ALKBH1: variants seen among roughly 807,000 people sequenced by gnomAD.
ALKBH1 encodes nucleic acid dioxygenase ALKBH1.
ALKBH1 carries 31 observed loss-of-function variants against 36.6 expected under a neutral mutation model. The observed-to-expected ratio is 0.85, with a 90% CI of 0.64 to 1.14. The LOEUF (loss-of-function observed/expected upper bound fraction) is 1.14. ALKBH1 is among the 50% of genes most tolerant of loss of function. The probability of loss-of-function intolerance (pLI) is 0.00; values close to 1 mark genes in which losing one functional copy is unlikely to be tolerated. For missense variants in ALKBH1, 490 were observed against 497.3 expected (o/e 0.99, Z 0.14); for synonymous variants, 183 against 186.6 (o/e 0.98, Z 0.16).
rs6494 is a variant in ALKBH1, at chr14:77,674,012, T to A, written c.970A>T (p.Met324Leu). 0.2 allele frequency: 326,259 copies of A among 1,613,952 alleles called. 34,995 individuals carry two copies. Among genetic ancestry groups the A allele is most frequent in the Non-Finnish European group, 0.22 (261,444 of 1,179,940 alleles). Reference protein sequence around the residue: ...PRDSMVEPCSMEDWQVCASYL... With the variant: ...PRDSMVEPCSLEDWQVCASYL... ...CTGGCACACACCTGCCAGTCCTCCA[T>A]AGAACAAGGCTCTACCATTGAATCT... The change falls in exon 6 of 6, where the codon ATG (methionine) becomes TTG (leucine). Residue 324 changes from methionine to leucine, a missense_variant. Coordinates refer to ENST00000216489, the MANE Select transcript of ALKBH1 (RefSeq NM_006020.3).
At position 77,673,693 on chromosome 14, in the gene ALKBH1, G is replaced by T; in HGVS notation, c.*119C>A. The T allele has an allele frequency of 1.9e-6, 2 of 1,050,840 alleles. No individual in the cohort carries two copies. Among genetic ancestry groups the T allele is most frequent in the East Asian group, 2.4e-5 (1 of 41,892 alleles). 65.1% of individuals were successfully genotyped at this position (1,050,840 alleles called of 1,614,324 possible). ...CCAAGGCAACAGTGTGATCAACAAT[G>T]AGTTCTTCCCTGTCTCTGTTTTTGG... On this transcript the variant is annotated 3_prime_UTR_variant, in exon 6 of 6. Transcript: ENST00000216489.
In ALKBH1 at chr14:77,699,793, T is replaced by C. The variant is rs148370924; in HGVS notation, c.292+4576A>G. Among the ~76,000 whole-genome samples, 250 of 152,242 alleles carry C rather than the reference T, an allele frequency of 1.6e-3. 2 individuals carry two copies. The South Asian group carries it at 0.025, about 15-fold the overall frequency. Reference sequence around the variant, plus strand: ...GGTTCTGGCTGGGCGCGGTGGCTCATGCCTGTAATCCCAGCACTTTGGGAG... The same window carrying C: ...GGTTCTGGCTGGGCGCGGTGGCTCACGCCTGTAATCCCAGCACTTTGGGAG... On this transcript the variant is annotated intron_variant, in intron 2 of 5. Coordinates refer to ENST00000216489, the MANE Select transcript of ALKBH1 (RefSeq NM_006020.3).
chr14:77,687,750 T>C (rs572941322), intron 3 of ALKBH1, among the ~76,000 whole-genome samples: 59 of 152,290 alleles, frequency 3.9e-4, no homozygotes, highest in African/African-American at 1.4e-3. Flanking sequence ...TCTGGCTGCT[T>C]GATGTCTTTT....
chr14:77,700,728 AG>A (rs764121093), intron 2 of ALKBH1, among the ~76,000 whole-genome samples: 5 of 152,198 alleles, frequency 3.3e-5, no homozygotes, highest in Non-Finnish European at 5.9e-5. Context: ...GAATGGTGAC[AG>A]GAAATTTAAC....
intron 3 of ALKBH1, among the ~76,000 whole-genome samples, chr14:77,690,098 A>G (rs757072336): frequency 2.0e-5 from 3 of 152,204 alleles, no homozygotes; most frequent in Admixed American, 6.5e-5. Context: ...TTCTAAGATG[A>G]TATTAGAACA....
At chr14:77,707,789 A>G in intron 1 of ALKBH1, 33 bp downstream of exon 1, 1 of 1,563,780 alleles carries the variant, frequency 6.4e-7, no homozygotes, top group South Asian at 1.2e-5. Context: ...GGGCAAAGCG[A>G]TGGAGAGACG....
At position 77,689,818 on chromosome 14, in the gene ALKBH1, G is replaced by C. The variant is rs371735258; in HGVS notation, c.455+4920C>G. On this transcript the variant is annotated intron_variant, in intron 3 of 5. Transcript: ENST00000216489. ...TTTACAGAACAAATAAAGCTAAGTT[G>C]TTATTTGGCAACTATGTTGCACTTA... Among the ~76,000 whole-genome samples the C allele has an allele frequency of 3.9e-5, 6 of 151,958 alleles. No individual in the cohort carries two copies. In the South Asian group the frequency reaches 1.0e-3, roughly 26 times the overall value.
chr14:77,673,742 G>A lies in ALKBH1; in HGVS notation c.*70C>T, dbSNP rs1230683746. The A allele has an allele frequency of 2.4e-5, 35 of 1,478,870 alleles. No homozygotes were observed. The highest frequency in any genetic ancestry group is 4.0e-4 in the Middle Eastern group (2 of 5,020). 91.6% of individuals were successfully genotyped at this position (1,478,870 alleles called of 1,614,324 possible). Reference sequence around the variant, plus strand: ...GGCTTGTCTGGGTGCTGAAGTCCACGGCAATACACAATAACATGATCATTT... The same window carrying A: ...GGCTTGTCTGGGTGCTGAAGTCCACAGCAATACACAATAACATGATCATTT... On this transcript the variant is annotated 3_prime_UTR_variant, in exon 6 of 6. Coordinates refer to ENST00000216489, the MANE Select transcript of ALKBH1 (RefSeq NM_006020.3).
intron 3 of ALKBH1, among the ~76,000 whole-genome samples, chr14:77,687,688 A>G (rs375221736): frequency 6.8e-6 from 1 of 147,982 alleles, no homozygotes; most frequent in Non-Finnish European, 1.5e-5. Flanking sequence ...TTCTTGAAAC[A>G]TTTTCCTGTC....
chr14:77,702,162 G>A (rs372788175), intron 2 of ALKBH1, among the ~76,000 whole-genome samples: 19 of 152,156 alleles, frequency 1.2e-4, no homozygotes, highest in African/African-American at 3.9e-4. Flanking sequence ...TTAGCTGGGC[G>A]TGGTGGCGGG....
intron 3 of ALKBH1, among the ~76,000 whole-genome samples, chr14:77,686,099 G>A (rs1329635703): frequency 6.6e-6 from 1 of 152,166 alleles, no homozygotes; most frequent in Middle Eastern, 3.2e-3. Flanking sequence ...GAGCAGGACT[G>A]GCCAGCACCA....
At position 77,685,534 on chromosome 14, in the gene ALKBH1, C is replaced by T. The variant is rs1284785061; in HGVS notation, c.456-5564G>A. 6.6e-5 allele frequency among the ~76,000 whole-genome samples: 10 copies of T among 151,940 alleles called. No homozygotes were observed. The South Asian group carries it at 1.5e-3, about 22-fold the overall frequency. ...GCTCACGCTTGTAATCCTAGCACTT[C>T]GGGAGGCCGAGGTGGGCAGATTGCC... On this transcript the variant is annotated intron_variant, in intron 3 of 5. Transcript: ENST00000216489.
At chr14:77,675,541 A>T (rs2080200480) in intron 5 of ALKBH1, 115 bp downstream of exon 5, 2 of 840,636 alleles carry the variant, frequency 2.4e-6, no homozygotes, top group Admixed American at 2.9e-5. Context: ...GTGGAAGATT[A>T]TAGAGTCCAA....
intron 3 of ALKBH1, among the ~76,000 whole-genome samples, chr14:77,680,677 C>CTCTTTTTTT (rs774703181): frequency 0.033 from 4,102 of 123,804 alleles, 172 homozygotes; most frequent in Non-Finnish European, 0.042. Flanking sequence ...ATTAACTACT[C>CTCTTTTTTT]TTTTTTTTTT....
intron 1 of ALKBH1, among the ~76,000 whole-genome samples, chr14:77,706,196 C>T (rs1177934425): frequency 6.6e-6 from 1 of 151,914 alleles, no homozygotes; most frequent in African/African-American, 2.4e-5. Context: ...GGACAAAATA[C>T]CAAAAGTTTG....
intron 3 of ALKBH1, among the ~76,000 whole-genome samples, chr14:77,692,891 T>C (rs1179770960): frequency 6.9e-6 from 1 of 145,034 alleles, no homozygotes; most frequent in Non-Finnish European, 1.5e-5. Flanking sequence ...CACACACCAC[T>C]ATGCCCAGCT....
rs1373218496 is a variant in ALKBH1 at position 77,675,756 on chromosome 14, C to T, written c.640G>A (p.Ala214Thr). Residue 214 changes from alanine (A) to threonine (T), a missense_variant, in exon 5 of 6, where the codon GCT (alanine) becomes ACT (threonine). Physicochemically the swap from Ala to Thr is moderately conservative, Grantham distance 58 (BLOSUM62 0). Coordinates refer to ENST00000216489, the MANE Select transcript of ALKBH1 (RefSeq NM_006020.3). Reference sequence around the variant, plus strand: ...TAGTAATTCAGGATCCCTGCTTCAGCTCGGAAATCCTCAAATCCACAGGCA... The same window carrying T: ...TAGTAATTCAGGATCCCTGCTTCAGTTCGGAAATCCTCAAATCCACAGGCA... ...AAACGFEDFR[A>T]EAGILNYYRL... 1.9e-6 allele frequency: 3 copies of T among 1,613,982 alleles called. No homozygotes were observed. The highest frequency in any genetic ancestry group is 2.5e-6 in the Non-Finnish European group (3 of 1,180,014).
chr14:77,703,281 T>A (rs1042025657), intron 2 of ALKBH1, among the ~76,000 whole-genome samples: 1 of 150,954 alleles, frequency 6.6e-6, no homozygotes, highest in African/African-American at 2.4e-5. Context: ...CCTCGCCTGG[T>A]CCCTATTAGG....
intron 3 of ALKBH1, chr14:77,683,462 T>C (rs935078073): frequency 4.6e-5 from 34 of 734,450 alleles, no homozygotes; most frequent in Middle Eastern, 4.9e-4. Context: ...ACAACAATGC[T>C]AACAGCATGC....
Sources: gnomAD v4.1 joint callset for allele counts (sites outside exome capture counted in the v4.1 genomes callset) on GRCh38, gnomAD v4.1.1 for gene constraint, MANE v1.5 for transcripts, NCBI Gene and HGNC (gene_info 2026-07-23, HGNC 2026-07-21) for gene names.